The following SUGCT variants were observed in gnomAD, a reference collection of about 807,000 sequenced individuals.
SUGCT encodes succinyl-CoA:glutarate CoA-transferase.
SUGCT carries 41 observed loss-of-function variants against 55.0 expected under a neutral mutation model. The observed-to-expected ratio is 0.74, with a 90% CI of 0.58 to 0.97. The LOEUF (loss-of-function observed/expected upper bound fraction) is 0.97. SUGCT is among the 50% of genes least tolerant of loss of function. SUGCT has a pLI of 0.00. For missense variants in SUGCT, 568 were observed against 547.8 expected, an observed-to-expected ratio of 1.04 and a Z score of -0.37; for synonymous variants, 187 against 200.4, an observed-to-expected ratio of 0.93 and a Z score of 0.56.
intron 7 of SUGCT, among the ~76,000 whole-genome samples, chr7:40,255,357 A>G (rs1790738595): frequency 6.6e-6 from 1 of 151,586 alleles, no homozygotes. Flanking sequence ...GACTTAATGA[A>G]AGTATTGAAA....
At chr7:40,444,090 T>C (rs1788672833) in intron 9 of SUGCT, among the ~76,000 whole-genome samples, 1 of 152,162 alleles carries the variant, frequency 6.6e-6, no homozygotes. Flanking sequence ...ATATCTCTGT[T>C]TTGGTACCAG....
At chr7:40,422,470 A>G (rs1433465789) in intron 9 of SUGCT, among the ~76,000 whole-genome samples, 1 of 151,704 alleles carries the variant, frequency 6.6e-6, no homozygotes, top group Admixed American at 6.6e-5. Context: ...CTCATTTCCC[A>G]CTATCTTTCA....
the SUGCT span, among the ~76,000 whole-genome samples, chr7:40,941,692 T>G: frequency 3.3e-5 from 5 of 152,084 alleles, no homozygotes; most frequent in Non-Finnish European, 5.9e-5. Context: ...ATAATTGTGC[T>G]GCTGCCTATC....
rs535219745 is a variant in SUGCT at position 40,721,483 on chromosome 7, A to G, written c.1090-27951A>G. Among the ~76,000 whole-genome samples the G allele has an allele frequency of 3.3e-5, 5 of 152,238 alleles. No individual in the cohort carries two copies. In the East Asian group the frequency reaches 5.8e-4, roughly 18 times the overall value. On this transcript the variant is annotated intron_variant, in intron 12 of 13. Coordinates refer to ENST00000335693, the MANE Select transcript of SUGCT (RefSeq NM_001193313.2). ...TGAGACATAATGGTGAAATGCTGCA[A>G]TGCATGGAATTTTATTTGGGACTGC...
chr7:40,597,034 A>G (rs533857664), intron 12 of SUGCT, among the ~76,000 whole-genome samples: 2 of 152,322 alleles, frequency 1.3e-5, no homozygotes, highest in South Asian at 4.1e-4. Flanking sequence ...GAATGAAATC[A>G]TGTTGTCTAT....
intron 9 of SUGCT, among the ~76,000 whole-genome samples, chr7:40,422,094 T>TA (rs1257260108): frequency 6.6e-6 from 1 of 151,270 alleles, no homozygotes; most frequent in Non-Finnish European, 1.5e-5. Context: ...TTTTTTTTTT[T>TA]AATCTCCAAA....
intron 12 of SUGCT, among the ~76,000 whole-genome samples, chr7:40,539,934 A>C (rs898735943): frequency 1.3e-5 from 2 of 152,178 alleles, no homozygotes; most frequent in Non-Finnish European, 2.9e-5. Flanking sequence ...AATCACATCA[A>C]ATTTTTATAG....
At chr7:40,715,381 C>T (rs920231290) in intron 12 of SUGCT, among the ~76,000 whole-genome samples, 7 of 152,172 alleles carry the variant, frequency 4.6e-5, no homozygotes, top group Non-Finnish European at 8.8e-5. Context: ...CTCCTGTTCC[C>T]TGGCATCCAA....
the SUGCT span, among the ~76,000 whole-genome samples, chr7:40,927,942 C>T: frequency 1.3e-5 from 2 of 152,080 alleles, no homozygotes; most frequent in African/African-American, 4.8e-5. Context: ...GATTATTTTT[C>T]CTTGGCATTT....
chr7:40,345,600 A>T (rs915685555), intron 9 of SUGCT, among the ~76,000 whole-genome samples: 1 of 151,866 alleles, frequency 6.6e-6, no homozygotes. Flanking sequence ...TTTGCCATTC[A>T]CCTGTTGAAT....
intron 9 of SUGCT, among the ~76,000 whole-genome samples, chr7:40,413,102 T>C (rs1562758508): frequency 6.6e-6 from 1 of 152,206 alleles, no homozygotes; most frequent in Non-Finnish European, 1.5e-5. Context: ...AATATTCTCT[T>C]GTACAGTAGT....
chr7:40,565,850 G>T (rs1166647944), intron 12 of SUGCT, among the ~76,000 whole-genome samples: 1 of 151,796 alleles, frequency 6.6e-6, no homozygotes, highest in Non-Finnish European at 1.5e-5. Context: ...ACATCCTTGG[G>T]GCTTACTGCC....
At chr7:40,620,951 T>A (rs1030089510) in intron 12 of SUGCT, among the ~76,000 whole-genome samples, 17 of 152,180 alleles carry the variant, frequency 1.1e-4, no homozygotes, top group Admixed American at 3.9e-4. Flanking sequence ...GATCTATTTT[T>A]TGTATTTATC....
chr7:40,628,302 CT>C (rs1799620747), intron 12 of SUGCT, among the ~76,000 whole-genome samples: 5 of 152,198 alleles, frequency 3.3e-5, no homozygotes, highest in Admixed American at 3.3e-4. Flanking sequence ...ATGCAAGGTG[CT>C]CATCAGAGGT....
At chr7:40,348,884 C>A (rs1797466184) in intron 9 of SUGCT, among the ~76,000 whole-genome samples, 1 of 152,074 alleles carries the variant, frequency 6.6e-6, no homozygotes, top group African/African-American at 2.4e-5. Context: ...TGTTTGATTT[C>A]ATATTTAAGG....
At chr7:40,787,660 C>CAAAAAAAAAAAAAAA (rs55764379) in intron 13 of SUGCT, among the ~76,000 whole-genome samples, 3 of 48,424 alleles carry the variant, frequency 6.2e-5, no homozygotes, top group Non-Finnish European at 8.3e-5. Flanking sequence ...AAATTTTGAC[C>CAAAAAAAAAAAAAAA]AAAAAAAAAA....
the SUGCT span, among the ~76,000 whole-genome samples, chr7:40,898,117 T>G: frequency 1.3e-5 from 2 of 152,120 alleles, no homozygotes; most frequent in African/African-American, 4.8e-5. Context: ...GTCTGCAGCT[T>G]CACTCGTGAA....
intron 12 of SUGCT, among the ~76,000 whole-genome samples, chr7:40,691,617 G>A (rs1279472206): frequency 6.6e-6 from 1 of 152,172 alleles, no homozygotes; most frequent in African/African-American, 2.4e-5. Context: ...AATTATTAAA[G>A]TCTTGGCTTA....
chr7:40,215,904 A>G (rs1787605370), intron 6 of SUGCT, among the ~76,000 whole-genome samples: 1 of 152,110 alleles, frequency 6.6e-6, no homozygotes, highest in Admixed American at 6.5e-5. Flanking sequence ...AAGCTAATTA[A>G]TATTAAGAGA....
Sources: allele counts gnomAD v4.1 joint callset (sites outside exome capture counted in the v4.1 genomes callset), GRCh38; gene constraint gnomAD v4.1.1; transcripts MANE v1.5; gene names NCBI Gene and HGNC (gene_info 2026-07-23, HGNC 2026-07-21).